OTUD7A: variants seen among roughly 807,000 people sequenced by gnomAD.
OTUD7A encodes the protein OTU domain-containing protein 7A.
OTUD7A carries 12 observed loss-of-function variants against 65.7 expected under a neutral mutation model. The observed-to-expected ratio is 0.18, with a 90% CI of 0.12 to 0.30. The LOEUF is 0.30. OTUD7A is among the 10% of genes least tolerant of loss of function. The probability of loss-of-function intolerance (pLI) is 1.00; values close to 1 mark genes in which losing one functional copy is unlikely to be tolerated. For missense variants in OTUD7A, 1,148 were observed against 1,304.8 expected, an observed-to-expected ratio of 0.88 and a Z score of 1.85; for synonymous variants, 641 against 586.3, an observed-to-expected ratio of 1.09 and a Z score of -1.35.
intron 1 of OTUD7A, among the ~76,000 whole-genome samples, chr15:31,734,542 G>T (rs1463598192): frequency 6.6e-6 from 1 of 152,088 alleles, no homozygotes; most frequent in Non-Finnish European, 1.5e-5. Context: ...GCATGGTACT[G>T]GTACAAAAAC....
intron 1 of OTUD7A, among the ~76,000 whole-genome samples, chr15:31,781,832 C>T (rs1249152893): frequency 6.6e-6 from 1 of 152,234 alleles, no homozygotes; most frequent in Non-Finnish European, 1.5e-5. Context: ...TAAATACCCT[C>T]ACATATACAT....
At chr15:31,644,234 T>C (rs1891600452) in intron 3 of OTUD7A, among the ~76,000 whole-genome samples, 1 of 152,170 alleles carries the variant, frequency 6.6e-6, no homozygotes. Context: ...ATAAAAACCC[T>C]TGCATTTCAC....
intron 1 of OTUD7A, among the ~76,000 whole-genome samples, chr15:31,681,186 C>T (rs1263587695): frequency 6.6e-6 from 1 of 151,428 alleles, no homozygotes; most frequent in Non-Finnish European, 1.5e-5. Context: ...GTCTGCCTTC[C>T]TCTTTCCTGA....
chr15:31,546,909 G>C (rs1888149173), intron 5 of OTUD7A, among the ~76,000 whole-genome samples: 1 of 152,134 alleles, frequency 6.6e-6, no homozygotes, highest in Non-Finnish European at 1.5e-5. Flanking sequence ...CTCAAAAAGA[G>C]GCAAAATAAA....
intron 1 of OTUD7A, among the ~76,000 whole-genome samples, chr15:31,828,557 G>A (rs1896854660): frequency 1.3e-5 from 2 of 152,046 alleles, no homozygotes; most frequent in Non-Finnish European, 2.9e-5. Flanking sequence ...TTATGTTCAG[G>A]TTTTTCTGCA....
chr15:31,502,997 T>C (rs919136262), intron 9 of OTUD7A, among the ~76,000 whole-genome samples: 2 of 152,224 alleles, frequency 1.3e-5, no homozygotes, highest in African/African-American at 4.8e-5. Flanking sequence ...AAATTCAAAC[T>C]GGGCAGCTGC....
chr15:31,802,775 C>G (rs1478144036), intron 1 of OTUD7A, among the ~76,000 whole-genome samples: 1 of 152,188 alleles, frequency 6.6e-6, no homozygotes, highest in Non-Finnish European at 1.5e-5. Flanking sequence ...ATAGTCACTT[C>G]CTTTTTTTAC....
In OTUD7A at chr15:31,665,853, T is replaced by C. The variant is rs146011637; in HGVS notation, c.-99-8776A>G. Among the ~76,000 whole-genome samples, 183 of 152,174 alleles carry C rather than the reference T, an allele frequency of 1.2e-3. 1 individual carries two copies. The highest frequency in any genetic ancestry group is 4.2e-3 in the African/African-American group (173 of 41,506). ...CCTTGTATGCCGATTTTGCTGAGAGTTTTAATCATAAAGCGATGCTGGATT... is the reference window on the plus strand; with the variant it reads ...CCTTGTATGCCGATTTTGCTGAGAGCTTTAATCATAAAGCGATGCTGGATT... On this transcript the variant is annotated intron_variant, in intron 1 of 12. Coordinates refer to ENST00000307050, the MANE Select transcript of OTUD7A (RefSeq NM_001382637.1).
chr15:31,813,722 A>G (rs1233361321), intron 1 of OTUD7A, among the ~76,000 whole-genome samples: 1 of 152,232 alleles, frequency 6.6e-6, no homozygotes, highest in Non-Finnish European at 1.5e-5. Context: ...AAGATATTTT[A>G]ACATCATGAA....
chr15:31,545,882 C>G (rs1053357298), intron 5 of OTUD7A, among the ~76,000 whole-genome samples: 2 of 152,118 alleles, frequency 1.3e-5, no homozygotes, highest in Admixed American at 1.3e-4. Flanking sequence ...ACAATTGACC[C>G]TCTGTTATCT....
Position 31,501,846 on chromosome 15 carries a change from A to G in OTUD7A, c.1022-7T>C. The G allele has an allele frequency of 6.2e-7, 1 of 1,605,144 alleles. No homozygotes were observed. The highest frequency in any genetic ancestry group is 8.5e-7 in the Non-Finnish European group (1 of 1,174,858). On this transcript the variant is annotated splice_polypyrimidine_tract_variant and splice_region_variant and intron_variant, in intron 9 of 12. Coordinates refer to ENST00000307050, the MANE Select transcript of OTUD7A (RefSeq NM_001382637.1). Reference sequence around the variant, plus strand: ...AATGGGATGGGTGCGAACGCTGTGGACACAAACCAGGGTGAGGGTGTGAGG... The same window carrying G: ...AATGGGATGGGTGCGAACGCTGTGGGCACAAACCAGGGTGAGGGTGTGAGG...
chr15:31,642,957 A>AT (rs1253745025), intron 3 of OTUD7A, among the ~76,000 whole-genome samples: 6 of 151,810 alleles, frequency 4.0e-5, no homozygotes, highest in Non-Finnish European at 8.8e-5. Context: ...AGTTTTCAAG[A>AT]TAAAAATTAA....
intron 1 of OTUD7A, among the ~76,000 whole-genome samples, chr15:31,680,781 G>A (rs1342131639): frequency 1.3e-5 from 2 of 152,188 alleles, no homozygotes; most frequent in African/African-American, 4.8e-5. Context: ...GGTGCACTTT[G>A]TTTAGCAGCT....
At chr15:31,812,688 T>C (rs1267081106) in intron 1 of OTUD7A, among the ~76,000 whole-genome samples, 1 of 152,076 alleles carries the variant, frequency 6.6e-6, no homozygotes, top group African/African-American at 2.4e-5. Context: ...CCATAAAGTG[T>C]CCCTATCCCC....
At chr15:31,631,618 G>A (rs1891158516) in intron 3 of OTUD7A, among the ~76,000 whole-genome samples, 1 of 152,100 alleles carries the variant, frequency 6.6e-6, no homozygotes, top group African/African-American at 2.4e-5. Flanking sequence ...TGTATTTCCT[G>A]AATCTGAATG....
intron 1 of OTUD7A, among the ~76,000 whole-genome samples, chr15:31,751,233 A>T (rs1322173250): frequency 1.3e-5 from 2 of 152,164 alleles, no homozygotes; most frequent in Non-Finnish European, 2.9e-5. Flanking sequence ...GCAAGGAACA[A>T]CCTCATTAAA....
chr15:31,503,304 CTT>C (rs71110884), intron 9 of OTUD7A, among the ~76,000 whole-genome samples: 16,500 of 152,100 alleles, frequency 0.11, 2,384 homozygotes, highest in African/African-American at 0.33. Context: ...TCTTTTTAGT[CTT>C]TAACACACAT....
intron 3 of OTUD7A, among the ~76,000 whole-genome samples, chr15:31,637,621 A>G (rs1381636385): frequency 1.3e-5 from 2 of 152,248 alleles, no homozygotes; most frequent in African/African-American, 4.8e-5. Context: ...GATCTGGGCA[A>G]AGTACATTGA....
intron 1 of OTUD7A, among the ~76,000 whole-genome samples, chr15:31,746,091 T>C (rs532782532): frequency 1.3e-4 from 20 of 152,310 alleles, no homozygotes; most frequent in African/African-American, 4.3e-4. Context: ...GGAGGGAACA[T>C]AGAAATGATG....
Sources: allele counts gnomAD v4.1 joint callset (sites outside exome capture counted in the v4.1 genomes callset), GRCh38; gene constraint gnomAD v4.1.1; transcripts MANE v1.5; gene names NCBI Gene and HGNC (gene_info 2026-07-23, HGNC 2026-07-21).